Variants in CCDC191 observed in about 807,000 individuals in gnomAD.
CCDC191 encodes coiled-coil domain containing 191.
CCDC191 carries 99 observed loss-of-function variants against 114.0 expected under a neutral mutation model. The observed-to-expected ratio is 0.87, with a 90% CI of 0.74 to 1.03. The LOEUF is 1.03. Ranked by LOEUF, CCDC191 falls within the 50% of genes least tolerant of loss-of-function variation. The probability of loss-of-function intolerance (pLI) is 0.00; values close to 1 mark genes in which losing one functional copy is unlikely to be tolerated. For synonymous variants in CCDC191, 351 were observed against 376.0 expected (o/e 0.93, Z 0.77); for missense variants, 973 against 1,087.0 (o/e 0.90, Z 1.47).
At position 113,964,997 on chromosome 3, in the gene CCDC191, CAAA is replaced by C. The variant is rs1209926788; in HGVS notation, c.*155_*157del. 3 of 447,134 alleles carry C rather than the reference CAAA, an allele frequency of 6.7e-6. No individual in the cohort carries two copies. The highest frequency in any genetic ancestry group is 1.2e-5 in the Non-Finnish European group (3 of 256,394). 27.7% of individuals were successfully genotyped at this position (447,134 alleles called of 1,614,324 possible). On this transcript the variant is annotated 3_prime_UTR_variant, in exon 17 of 17. Transcript: ENST00000295878. ...GAATGACTAGCAATCCAGGAAAAGT[CAAA>C]GAAGGGAATAAAAATTCTCAAAATA...
At chr3:114,028,244 C>A (rs2076352069) in intron 7 of CCDC191, among the ~76,000 whole-genome samples, 1 of 149,960 alleles carries the variant, frequency 6.7e-6, no homozygotes, top group Non-Finnish European at 1.5e-5. Flanking sequence ...TGAATTTATT[C>A]CCACTGTGGT....
At chr3:114,021,344 G>A (rs1013435548) in intron 7 of CCDC191, among the ~76,000 whole-genome samples, 1 of 151,994 alleles carries the variant, frequency 6.6e-6, no homozygotes, top group Non-Finnish European at 1.5e-5. Flanking sequence ...TCACCACACA[G>A]AAGCTAACAA....
chr3:114,035,209 C>A, intron 5 of CCDC191, 61 bp from the exon 6 acceptor site: 1 of 1,224,940 alleles, frequency 8.2e-7, no homozygotes, highest in Non-Finnish European at 1.2e-6. Flanking sequence ...ATATGAAAAG[C>A]CTTACAATAC....
chr3:113,976,036 T>C (rs1174379524), intron 16 of CCDC191, among the ~76,000 whole-genome samples: 1 of 152,132 alleles, frequency 6.6e-6, no homozygotes, highest in Non-Finnish European at 1.5e-5. Flanking sequence ...GGTGGGCAGA[T>C]TCCTTGAGGC....
upstream of CCDC191, chr3:114,056,527 GCCTCCGGGTCACGCTGGGAATTGT>G (rs2076787128): frequency 6.2e-7 from 1 of 1,612,198 alleles, no homozygotes; most frequent in Middle Eastern, 1.6e-4. Context: ...TGCCCGGGCT[GCCTCCGGGTCACGCTGGGAATTGT>G]AGTTCCTCCG....
At chr3:113,983,427 T>C (rs2075241948) in intron 13 of CCDC191, among the ~76,000 whole-genome samples, 1 of 152,168 alleles carries the variant, frequency 6.6e-6, no homozygotes, top group Non-Finnish European at 1.5e-5. Context: ...CAAGCACATA[T>C]CTGACATGTT....
chr3:114,050,801 A>T (rs2076690045), intron 2 of CCDC191, among the ~76,000 whole-genome samples: 1 of 152,228 alleles, frequency 6.6e-6, no homozygotes, highest in African/African-American at 2.4e-5. Flanking sequence ...ATAACTGATG[A>T]TTGGAGAGTA....
At chr3:113,967,021 C>T (rs868511181) in intron 16 of CCDC191, among the ~76,000 whole-genome samples, 2 of 152,086 alleles carry the variant, frequency 1.3e-5, no homozygotes, top group Non-Finnish European at 2.9e-5. Flanking sequence ...ATCACTTGAA[C>T]CTGGGAGGTG....
chr3:114,050,693 T>C (rs1225117515), intron 2 of CCDC191, among the ~76,000 whole-genome samples: 2 of 152,186 alleles, frequency 1.3e-5, no homozygotes, highest in African/African-American at 4.8e-5. Flanking sequence ...AGGATCAGTA[T>C]AGGGACTGCT....
chr3:114,025,525 CT>C (rs2107713052), intron 7 of CCDC191, among the ~76,000 whole-genome samples: 1 of 152,244 alleles, frequency 6.6e-6, no homozygotes, highest in East Asian at 1.9e-4. Context: ...GATAATATTG[CT>C]GTAATTATCT....
At chr3:114,031,497 T>C in intron 7 of CCDC191, 129 bp downstream of exon 7, 5 of 744,452 alleles carry the variant, frequency 6.7e-6, no homozygotes, top group Non-Finnish European at 1.2e-5. Context: ...AAAGAACAAA[T>C]GGCGTGGGCA....
chr3:113,993,475 A>G (rs1160424813), intron 13 of CCDC191, among the ~76,000 whole-genome samples: 1 of 152,246 alleles, frequency 6.6e-6, no homozygotes, highest in Non-Finnish European at 1.5e-5. Flanking sequence ...TGGCAAATAT[A>G]TAAAAATAAT....
At chr3:114,048,795 T>C (rs1218846160) in intron 2 of CCDC191, among the ~76,000 whole-genome samples, 1 of 152,248 alleles carries the variant, frequency 6.6e-6, no homozygotes, top group Non-Finnish European at 1.5e-5. Context: ...AGGTAGAATG[T>C]TGGCAGGAAT....
intron 9 of CCDC191, among the ~76,000 whole-genome samples, chr3:114,010,496 T>TTTA (rs979219356): frequency 2.6e-5 from 4 of 152,220 alleles, no homozygotes; most frequent in Non-Finnish European, 5.9e-5. Context: ...TAGACAGTGC[T>TTTA]TTACCTGTCT....
intron 13 of CCDC191, among the ~76,000 whole-genome samples, chr3:113,989,164 A>G (rs2075472703): frequency 6.6e-6 from 1 of 152,240 alleles, no homozygotes; most frequent in Admixed American, 6.5e-5. Flanking sequence ...AAAACCAGAT[A>G]GATATGAAAG....
At chr3:113,998,923 C>T (rs1325117069) in intron 13 of CCDC191, among the ~76,000 whole-genome samples, 1 of 152,148 alleles carries the variant, frequency 6.6e-6, no homozygotes, top group Non-Finnish European at 1.5e-5. Flanking sequence ...TAGCAATGGG[C>T]CCATGCTCAC....
intron 8 of CCDC191, among the ~76,000 whole-genome samples, chr3:114,014,621 A>T (rs2076128491): frequency 6.6e-6 from 1 of 152,118 alleles, no homozygotes; most frequent in Non-Finnish European, 1.5e-5. Context: ...ACTAGTTCTT[A>T]TCCAAATTAA....
chr3:114,020,195 T>C (rs1487578690), intron 7 of CCDC191, among the ~76,000 whole-genome samples: 1 of 152,186 alleles, frequency 6.6e-6, no homozygotes, highest in Non-Finnish European at 1.5e-5. Context: ...ACCATCACTG[T>C]GTTTCAATTT....
intron 4 of CCDC191, among the ~76,000 whole-genome samples, chr3:114,039,101 T>TA (rs1238150365): frequency 6.6e-6 from 1 of 152,092 alleles, no homozygotes; most frequent in Non-Finnish European, 1.5e-5. Flanking sequence ...GTGTAGCACA[T>TA]ACAATTATAT....
Sources: gnomAD v4.1 joint callset for allele counts (sites outside exome capture counted in the v4.1 genomes callset) on GRCh38, gnomAD v4.1.1 for gene constraint, MANE v1.5 for transcripts, NCBI Gene and HGNC (gene_info 2026-07-23, HGNC 2026-07-21) for gene names.